The following SOX5 variants were observed in gnomAD, a reference collection of about 807,000 sequenced individuals.
SOX5 encodes transcription factor SOX-5.
SOX5 carries 9 observed loss-of-function variants against 92.0 expected under a neutral mutation model. The observed-to-expected ratio is 0.10, with a 90% CI of 0.06 to 0.17. The LOEUF (loss-of-function observed/expected upper bound fraction) is 0.17, where lower values mean the gene tolerates loss of function less well. Ranked by LOEUF, SOX5 falls within the 10% of genes least tolerant of loss-of-function variation. The probability of loss-of-function intolerance (pLI) is 1.00; values close to 1 mark genes in which losing one functional copy is unlikely to be tolerated. For missense variants in SOX5, 642 were observed against 944.5 expected (o/e 0.68, Z 4.20); for synonymous variants, 344 against 336.3 (o/e 1.02, Z -0.25).
intron 1 of SOX5, among the ~76,000 whole-genome samples, chr12:24,551,906 A>G (rs1953220488): frequency 6.6e-6 from 1 of 152,140 alleles, no homozygotes; most frequent in Admixed American, 6.6e-5. Flanking sequence ...TTATTCATTG[A>G]TTAAACAAAC....
At chr12:24,357,354 G>C (rs752820719) in intron 2 of SOX5, 2 of 152,336 alleles carry the variant, frequency 1.3e-5, no homozygotes, top group Non-Finnish European at 2.9e-5. Flanking sequence ...CAGTGCACGA[G>C]TATAGGTTCT....
intron 8 of SOX5, among the ~76,000 whole-genome samples, chr12:23,628,263 A>C (rs1032316527): frequency 6.6e-6 from 1 of 152,038 alleles, no homozygotes; most frequent in Non-Finnish European, 1.5e-5. Context: ...GGAACTAGCC[A>C]TATGAAAAAT....
At chr12:24,554,793 T>C (rs1597897621) in intron 1 of SOX5, among the ~76,000 whole-genome samples, 1 of 152,132 alleles carries the variant, frequency 6.6e-6, no homozygotes, top group East Asian at 1.9e-4. Context: ...GTGGTCTTCA[T>C]CCTCCACCAC....
intron 2 of SOX5, among the ~76,000 whole-genome samples, chr12:24,329,686 G>A (rs973657477): frequency 1.3e-5 from 2 of 152,100 alleles, no homozygotes; most frequent in African/African-American, 4.8e-5. Context: ...AATGGTTGGT[G>A]ATGTGTTGTT....
chr12:24,522,107 C>T (rs879773257), intron 1 of SOX5, among the ~76,000 whole-genome samples: 3 of 150,776 alleles, frequency 2.0e-5, no homozygotes, highest in Non-Finnish European at 4.4e-5. Context: ...ATGAATGCCT[C>T]AAAAATAAAA....
At chr12:24,030,432 A>T (rs1257383322) in intron 4 of SOX5, among the ~76,000 whole-genome samples, 1 of 151,970 alleles carries the variant, frequency 6.6e-6, no homozygotes, top group East Asian at 1.9e-4. Flanking sequence ...TGCCAAAAAT[A>T]TATAATGAGG....
At chr12:24,079,523 T>TGA (rs1943073015) in intron 4 of SOX5, among the ~76,000 whole-genome samples, 1 of 152,046 alleles carries the variant, frequency 6.6e-6, no homozygotes, top group South Asian at 2.1e-4. Flanking sequence ...TTTTATTAAA[T>TGA]GAGAGAACAG....
At chr12:24,141,830 T>C (rs767503748) in intron 4 of SOX5, among the ~76,000 whole-genome samples, 16 of 152,176 alleles carry the variant, frequency 1.1e-4, no homozygotes, top group Non-Finnish European at 1.9e-4. Flanking sequence ...CAAGTTGGCA[T>C]AGTTTTTAAG....
intron 4 of SOX5, among the ~76,000 whole-genome samples, chr12:23,985,247 T>TTTATTTA (rs1949957178): frequency 6.6e-6 from 1 of 151,144 alleles, no homozygotes; most frequent in Non-Finnish European, 1.5e-5. Context: ...TTGAATTTTA[T>TTTATTTA]TTATTTATTT....
intron 1 of SOX5, among the ~76,000 whole-genome samples, chr12:23,930,476 T>G (rs1185480296): frequency 6.6e-6 from 1 of 151,698 alleles, no homozygotes; most frequent in African/African-American, 2.4e-5. Flanking sequence ...CAACATAGAC[T>G]CATGGTACAG....
intron 1 of SOX5, among the ~76,000 whole-genome samples, chr12:24,371,340 T>C (rs546764476): frequency 3.0e-4 from 46 of 152,304 alleles, no homozygotes; most frequent in East Asian, 2.5e-3. Flanking sequence ...AGACAGATTT[T>C]TCCCCCCCAG....
At chr12:24,100,881 C>A (rs1481868148) in intron 4 of SOX5, among the ~76,000 whole-genome samples, 1 of 152,128 alleles carries the variant, frequency 6.6e-6, no homozygotes, top group East Asian at 1.9e-4. Context: ...CCCTCTCTTA[C>A]ATCCCATCTG....
At chr12:24,335,081 G>T (rs553099118) in intron 2 of SOX5, among the ~76,000 whole-genome samples, 27 of 151,956 alleles carry the variant, frequency 1.8e-4, no homozygotes, top group African/African-American at 6.3e-4. Flanking sequence ...TACAATAAAA[G>T]AATTATTAAA....
chr12:24,371,563 C>G (rs1165258257), intron 1 of SOX5, among the ~76,000 whole-genome samples: 1 of 152,194 alleles, frequency 6.6e-6, no homozygotes, highest in Admixed American at 6.5e-5. Context: ...GTCTTTCACC[C>G]TGAAAACAGG....
intron 3 of SOX5, among the ~76,000 whole-genome samples, chr12:23,812,713 C>A (rs1297570809): frequency 6.6e-6 from 1 of 152,134 alleles, no homozygotes; most frequent in Non-Finnish European, 1.5e-5. Flanking sequence ...AACCACCATT[C>A]ATACTTTAAA....
intron 4 of SOX5, among the ~76,000 whole-genome samples, chr12:24,102,841 G>A (rs916044126): frequency 3.9e-5 from 6 of 152,206 alleles, no homozygotes; most frequent in Non-Finnish European, 5.9e-5. Context: ...GTTTTATTAT[G>A]TTAGAGACTC....
chr12:24,319,678 C>A (rs1950029878), intron 2 of SOX5, among the ~76,000 whole-genome samples: 1 of 152,178 alleles, frequency 6.6e-6, no homozygotes, highest in Non-Finnish European at 1.5e-5. Flanking sequence ...TGAACTATAA[C>A]TTGAATTCTG....
chr12:24,261,082 A>C (rs1346615881), intron 3 of SOX5, among the ~76,000 whole-genome samples: 1 of 152,210 alleles, frequency 6.6e-6, no homozygotes, highest in Non-Finnish European at 1.5e-5. Flanking sequence ...TAAAATGCTT[A>C]TGAGTGTTCA....
chr12:24,110,274 T>C (rs1170338367), intron 4 of SOX5, among the ~76,000 whole-genome samples: 1 of 152,202 alleles, frequency 6.6e-6, no homozygotes, highest in Non-Finnish European at 1.5e-5. Flanking sequence ...AGAAACCTAA[T>C]GAGTTGCTAT....
Sources: gnomAD v4.1 joint callset for allele counts (sites outside exome capture counted in the v4.1 genomes callset) on GRCh38, gnomAD v4.1.1 for gene constraint, MANE v1.5 for transcripts, NCBI Gene and HGNC (gene_info 2026-07-23, HGNC 2026-07-21) for gene names.